TRPM7: variants seen among roughly 807,000 people sequenced by gnomAD.
TRPM7 encodes the protein LTRPC ion channel family member 7.
In TRPM7, 134 loss-of-function variants were observed where a neutral mutation model predicts 229.7. The ratio of observed to expected loss-of-function variants is 0.58; its 90% CI spans 0.51 to 0.67. The LOEUF is 0.67. Among genes scored for constraint, TRPM7 ranks in the 30% least tolerant of loss-of-function variants. TRPM7 has a pLI of 0.00. For missense variants in TRPM7, 1,901 were observed against 2,210.0 expected (o/e 0.86, Z 2.80); for synonymous variants, 699 against 715.2 (o/e 0.98, Z 0.36).
At chr15:50,683,985 G>T (rs952294282) in intron 1 of TRPM7, among the ~76,000 whole-genome samples, 2 of 151,278 alleles carry the variant, frequency 1.3e-5, no homozygotes, top group African/African-American at 2.4e-5. Flanking sequence ...TCAGCCTCAC[G>T]AGTAGCTGGG....
At position 50,580,915 on chromosome 15, in the gene TRPM7, TAAA is replaced by T; in HGVS notation, c.4558-10_4558-8del. 1 of 1,403,408 alleles carries T rather than the reference TAAA, an allele frequency of 7.1e-7. No homozygotes were observed. Among genetic ancestry groups the T allele is most frequent in the Admixed American group, 2.1e-5 (1 of 46,574 alleles). 86.9% of individuals were successfully genotyped at this position (1,403,408 alleles called of 1,614,324 possible). On this transcript the variant is annotated splice_polypyrimidine_tract_variant and splice_region_variant and intron_variant, in intron 29 of 38. Transcript: ENST00000646667. ...GTCTATCTTGTAACCAATCCTTCAGTAAAAAAAAAACACACACACACAAAAACC... is the reference window on the plus strand; with the variant it reads ...GTCTATCTTGTAACCAATCCTTCAGTAAAAAAACACACACACACAAAAACC...
intron 3 of TRPM7, among the ~76,000 whole-genome samples, chr15:50,653,334 T>G (rs12901621): frequency 6.6e-6 from 1 of 152,186 alleles, no homozygotes; most frequent in African/African-American, 2.4e-5. Context: ...CTGTTCATTA[T>G]AAGCACTGTC....
At chr15:50,655,071 A>AGAGT (rs34672108) in intron 3 of TRPM7, among the ~76,000 whole-genome samples, 77,952 of 140,422 alleles carry the variant, frequency 0.56, 22,684 homozygotes, top group Admixed American at 0.61. Context: ...TGTAGAAATA[A>AGAGT]GAGTGAACCT....
chr15:50,637,400 A>G (rs908925818), intron 7 of TRPM7, 22 bp downstream of exon 7: 4 of 1,604,580 alleles, frequency 2.5e-6, no homozygotes, highest in African/African-American at 2.7e-5. Context: ...TTCAACAATA[A>G]CAAATTTGTG....
intron 3 of TRPM7, among the ~76,000 whole-genome samples, chr15:50,653,088 C>G (rs1367551797): frequency 2.0e-5 from 3 of 152,136 alleles, no homozygotes; most frequent in African/African-American, 7.2e-5. Flanking sequence ...GAGGTCAAGT[C>G]TGCAGTGACT....
At chr15:50,645,442 T>C (rs1040155337) in intron 4 of TRPM7, among the ~76,000 whole-genome samples, 3 of 152,146 alleles carry the variant, frequency 2.0e-5, no homozygotes, top group Non-Finnish European at 4.4e-5. Flanking sequence ...TTCTCCTGCC[T>C]CAGCCTCCTA....
At chr15:50,564,591 GGTTT>G (rs2141436427) in intron 38 of TRPM7, among the ~76,000 whole-genome samples, 1 of 151,610 alleles carries the variant, frequency 6.6e-6, no homozygotes, top group East Asian at 1.9e-4. Flanking sequence ...AGAACATGCA[GGTTT>G]GTTATATAGG....
rs529450023 is a variant in TRPM7, at chr15:50,673,744, C to T, written c.4-10698G>A. Among the ~76,000 whole-genome samples the T allele has an allele frequency of 9.2e-4, 140 of 152,206 alleles. 1 individual carries two copies. The highest frequency in any genetic ancestry group is 3.2e-3 in the African/African-American group (133 of 41,534). On this transcript the variant is annotated intron_variant, in intron 1 of 38. Coordinates refer to ENST00000646667, the MANE Select transcript of TRPM7 (RefSeq NM_017672.6). ...AATTACGCTGCTATAAACATGCGTA[C>T]GCAAGTATCTTTTTCTTATAATGAC...
At chr15:50,616,458 T>C (rs1416486107) in intron 13 of TRPM7, among the ~76,000 whole-genome samples, 1 of 152,158 alleles carries the variant, frequency 6.6e-6, no homozygotes, top group Non-Finnish European at 1.5e-5. Context: ...ATTTTAATTA[T>C]TTAAAAAGAC....
chr15:50,624,384 CATTT>C (rs2060500897), intron 11 of TRPM7, 84 bp from the exon 12 acceptor site: 14 of 453,818 alleles, frequency 3.1e-5, no homozygotes, highest in Middle Eastern at 8.0e-4. Context: ...TTAGGATTTA[CATTT>C]AATTTGTTCC....
At chr15:50,568,111 CAAAAAA>C (rs57093955) in intron 38 of TRPM7, among the ~76,000 whole-genome samples, 1 of 81,438 alleles carries the variant, frequency 1.2e-5, no homozygotes, top group Non-Finnish European at 2.2e-5. Flanking sequence ...GACTCTGTCT[CAAAAAA>C]AAAAAAAAAA....
chr15:50,632,095 G>C (rs1822224895), intron 9 of TRPM7, among the ~76,000 whole-genome samples: 1 of 152,080 alleles, frequency 6.6e-6, no homozygotes, highest in Non-Finnish European at 1.5e-5. Context: ...GTGAGGTTAG[G>C]AGTTCGAGAC....
intron 5 of TRPM7, 53 bp downstream of exon 5, chr15:50,643,287 C>CAA (rs150936263): frequency 4.2e-3 from 5,289 of 1,250,384 alleles, no homozygotes; most frequent in Admixed American, 5.7e-3. Context: ...GAGTCCGTCT[C>CAA]AAAAAAAAAA....
At chr15:50,677,292 C>T (rs1170090688) in intron 1 of TRPM7, among the ~76,000 whole-genome samples, 1 of 152,020 alleles carries the variant, frequency 6.6e-6, no homozygotes, top group Non-Finnish European at 1.5e-5. Flanking sequence ...ACCTCATCTA[C>T]CCCTGATTAC....
intron 22 of TRPM7, among the ~76,000 whole-genome samples, chr15:50,597,889 A>G (rs140052079): frequency 2.6e-5 from 4 of 152,222 alleles, no homozygotes; most frequent in Non-Finnish European, 4.4e-5. Flanking sequence ...ACTGCACTCC[A>G]GCCTGGGTGA....
intron 12 of TRPM7, among the ~76,000 whole-genome samples, chr15:50,622,225 C>T (rs1006413040): frequency 4.6e-5 from 7 of 152,078 alleles, no homozygotes; most frequent in African/African-American, 1.7e-4. Context: ...CACACACAAA[C>T]AAAACCTCTT....
At chr15:50,605,580 T>C (rs1440867491) in intron 20 of TRPM7, among the ~76,000 whole-genome samples, 1 of 152,188 alleles carries the variant, frequency 6.6e-6, no homozygotes, top group Non-Finnish European at 1.5e-5. Flanking sequence ...CCTGAATATA[T>C]GAATTTTAAG....
Position 50,686,657 on chromosome 15 carries a change from A to C in TRPM7, c.-124T>G, listed in dbSNP as rs561658625. 10 of 1,381,648 alleles carry C rather than the reference A, an allele frequency of 7.2e-6. No homozygotes were observed. The African/African-American group carries it at 1.0e-4, about 14-fold the overall frequency. 85.6% of individuals were successfully genotyped at this position (1,381,648 alleles called of 1,614,324 possible). A position where few individuals can be genotyped will look rare whatever the true frequency, so the allele number is the denominator to read the frequency against. On this transcript the variant is annotated 5_prime_UTR_variant, in exon 1 of 39. Coordinates refer to ENST00000646667, the MANE Select transcript of TRPM7 (RefSeq NM_017672.6). ...AGAGGCCGCCGGACAAGGAACGCCC[A>C]GGGAAACCTTCTCAGAACTAACTCA... is the stretch of plus-strand genomic sequence containing the variant.
chr15:50,679,538 A>ATATATATATATT (rs1400383980), intron 1 of TRPM7, among the ~76,000 whole-genome samples: 3 of 43,900 alleles, frequency 6.8e-5, no homozygotes, highest in African/African-American at 3.2e-4. Flanking sequence ...ATATATATAT[A>ATATATATATATT]TTTTTTTTTT....
Sources: allele counts gnomAD v4.1 joint callset (sites outside exome capture counted in the v4.1 genomes callset), GRCh38; gene constraint gnomAD v4.1.1; transcripts MANE v1.5; gene names NCBI Gene and HGNC (gene_info 2026-07-23, HGNC 2026-07-21).